CCT6B: variants seen among roughly 807,000 people sequenced by gnomAD.
CCT6B encodes the protein chaperonin containing TCP1 subunit 6B, also known as probable T-complex protein 1 subunit zeta-2.
CCT6B carries 49 observed loss-of-function variants against 61.5 expected under a neutral mutation model. The observed-to-expected ratio is 0.80, with a 90% CI of 0.63 to 1.01. The LOEUF (loss-of-function observed/expected upper bound fraction) is 1.01. Ranked by LOEUF, CCT6B falls within the 50% of genes least tolerant of loss-of-function variation. The pLI is 0.00. For missense variants in CCT6B, 666 were observed against 634.7 expected, an observed-to-expected ratio of 1.05 and a Z score of -0.53; for synonymous variants, 228 against 214.5, an observed-to-expected ratio of 1.06 and a Z score of -0.55.
At chr17:34,942,012 G>A (rs1039272387) in intron 7 of CCT6B, among the ~76,000 whole-genome samples, 1 of 151,466 alleles carries the variant, frequency 6.6e-6, no homozygotes, top group Non-Finnish European at 1.5e-5. Context: ...AAGCACTCCA[G>A]CTTGGATGAC....
chr17:34,939,300 A>G lies in CCT6B; in HGVS notation c.1096T>C (p.Cys366Arg). 6.2e-7 allele frequency: 1 copy of G among 1,612,960 alleles called. No individual in the cohort carries two copies. The highest frequency in any genetic ancestry group is 8.5e-7 in the Non-Finnish European group (1 of 1,179,452). The change falls in exon 10 of 14, where the codon TGT (cysteine) becomes CGT (arginine). Residue 366 changes from cysteine (C) to arginine (R), a missense_variant. Cys to Arg is a radical substitution (Grantham distance 180). Transcript: ENST00000314144. ...GEEKFTFIEE[C>R]VNPCSVTLLV... ...AAGGTAACAGAGCAAGGGTTAACAC[A>G]CTCCTCAATAAAAGTGAACTTTTCT...
chr17:34,947,975 CAAA>C (rs570493756), intron 5 of CCT6B, among the ~76,000 whole-genome samples: 3 of 63,018 alleles, frequency 4.8e-5, no homozygotes, highest in Non-Finnish European at 3.4e-5. Context: ...CACTCCGTCT[CAAA>C]AAAAAAAAAA....
Position 34,954,425 on chromosome 17 carries a change from CCT to C in CCT6B, c.509_510del (p.Glu170GlyfsTer10). The C allele has an allele frequency of 1.9e-6, 3 of 1,595,896 alleles. No individual in the cohort carries two copies. Among genetic ancestry groups the C allele is most frequent in the Non-Finnish European group, 2.6e-6 (3 of 1,173,338 alleles). ...VHAELADVLT[E>X]VVVDSVLAVR... ...CTGAATGCAAAAGTTTAATAACATA[CCT>C]CTGTTAAGACATCAGCCAGTTCAGC... is the stretch of plus-strand genomic sequence containing the variant. On this transcript the variant is annotated frameshift_variant and splice_region_variant, in exon 4 of 14. Coordinates refer to ENST00000314144, the MANE Select transcript of CCT6B (RefSeq NM_006584.4). LOFTEE classifies it high-confidence loss of function.
Position 34,958,574 on chromosome 17 carries a change from G to A in CCT6B, c.322C>T (p.Leu108=), listed in dbSNP as rs2090374437. The change falls in exon 3 of 14, where the codon CTG becomes TTG. Residue 108 remains leucine (L), a synonymous_variant. Transcript: ENST00000314144. ...IIGELLKQAD[L]YISEGLHPRI... ...AATTCTAATACCTCAGAAATGTACA[G>A]GTCAGCTTGTTTTAATAACTCTCCA... 1.3e-6 allele frequency: 2 copies of A among 1,569,154 alleles called. No homozygotes were observed. The highest frequency in any genetic ancestry group is 1.8e-5 in the Admixed American group (1 of 55,496).
intron 5 of CCT6B, among the ~76,000 whole-genome samples, chr17:34,950,284 A>C (rs2090275716): frequency 6.6e-6 from 1 of 152,222 alleles, no homozygotes; most frequent in African/African-American, 2.4e-5. Context: ...TAATAACCTA[A>C]GTAGCTATCA....
chr17:34,937,361 T>C (rs2142144307), intron 10 of CCT6B, among the ~76,000 whole-genome samples: 1 of 152,184 alleles, frequency 6.6e-6, no homozygotes, highest in Admixed American at 6.5e-5. Flanking sequence ...GATATTAACA[T>C]TAAAATAGAC....
intron 3 of CCT6B, among the ~76,000 whole-genome samples, chr17:34,956,607 C>T (rs1597763363): frequency 6.6e-6 from 1 of 152,150 alleles, no homozygotes; most frequent in East Asian, 1.9e-4. Context: ...TGATCTTATC[C>T]CCAGCTCAAG....
At chr17:34,949,822 C>T (rs2090271513) in intron 5 of CCT6B, 1 of 152,106 alleles carries the variant, frequency 6.6e-6, no homozygotes, top group South Asian at 2.1e-4. Flanking sequence ...ATACATTTCA[C>T]TCAGTAATTG....
intron 12 of CCT6B, among the ~76,000 whole-genome samples, chr17:34,929,766 G>A (rs1047631186): frequency 2.0e-5 from 3 of 151,926 alleles, no homozygotes; most frequent in Non-Finnish European, 2.9e-5. Context: ...CACCTACCTT[G>A]GCCTCCCAGA....
intron 2 of CCT6B, among the ~76,000 whole-genome samples, chr17:34,959,034 C>T (rs1332168482): frequency 6.7e-6 from 1 of 149,790 alleles, no homozygotes; most frequent in Non-Finnish European, 1.5e-5. Context: ...AGGCAGTGCC[C>T]TTAAAAGATA....
Position 34,928,985 on chromosome 17 carries a change from TA to T in CCT6B, c.1499del (p.Val500GlufsTer11), listed in dbSNP as rs1269701248. ...ACCAAGAGTGAAGAAGTTGTTTTTTTACACAATAATTATCCCAAACTCCTGC... is the reference window on the plus strand; with the variant it reads ...ACCAAGAGTGAAGAAGTTGTTTTTTTCACAATAATTATCCCAAACTCCTGC... ...ADAGVWDNYC[V>X]KKQLLHSCTV... is the part of the protein sequence containing the mutation. On this transcript the variant is annotated frameshift_variant, in exon 13 of 14. Coordinates refer to ENST00000314144, the MANE Select transcript of CCT6B (RefSeq NM_006584.4). LOFTEE classifies it high-confidence loss of function. 3 of 1,607,064 alleles carry T rather than the reference TA, an allele frequency of 1.9e-6. No homozygotes were observed. Among genetic ancestry groups the T allele is most frequent in the Middle Eastern group, 1.7e-4 (1 of 6,056 alleles).
In CCT6B at chr17:34,929,023, C is replaced by T. The variant is rs758677859; in HGVS notation, c.1462G>A (p.Val488Ile). 5 of 1,606,442 alleles carry T rather than the reference C, an allele frequency of 3.1e-6. No homozygotes were observed. The highest frequency in any genetic ancestry group is 3.3e-4 in the Middle Eastern group (2 of 6,034). ...GVDLNTGEPM[V>I]AADAGVWDNY... is the part of the protein sequence containing the mutation. ...TCCCAAACTCCTGCATCTGCTGCTACCATTGGCTCACCTGAAAAGTAAAAA... is the reference window on the plus strand; with the variant it reads ...TCCCAAACTCCTGCATCTGCTGCTATCATTGGCTCACCTGAAAAGTAAAAA... Residue 488 changes from valine (V) to isoleucine (I), a missense_variant, in exon 13 of 14, where the codon GTA (valine) becomes ATA (isoleucine). By Grantham distance (29) the Val-to-Ile change is conservative. Coordinates refer to ENST00000314144, the MANE Select transcript of CCT6B (RefSeq NM_006584.4).
At chr17:34,954,401 T>C in intron 4 of CCT6B, 25 bp downstream of exon 4, 1 of 1,566,078 alleles carries the variant, frequency 6.4e-7, no homozygotes, top group East Asian at 2.3e-5. Flanking sequence ...ATATTTGTTC[T>C]GAATGCAAAA....
rs745706388 is a variant in CCT6B, at chr17:34,928,920, A to G, written c.1523+42T>C. On this transcript the variant is annotated intron_variant, in intron 13 of 13. Coordinates refer to ENST00000314144, the MANE Select transcript of CCT6B (RefSeq NM_006584.4). The stretch of plus-strand genomic sequence containing the variant: ...AAATTTCATCTTAATATTATCAATT[A>G]TAACTCTACAGGTCTTTCACTTTAT... The G allele has an allele frequency of 4.5e-6, 5 of 1,108,304 alleles. No individual in the cohort carries two copies. The Admixed American group carries it at 9.9e-5, about 22-fold the overall frequency. The allele number at this position is 1,108,304 out of a possible 1,614,324, so 68.7% of individuals were successfully genotyped here. A position where few individuals can be genotyped will look rare whatever the true frequency, so the allele number is the denominator to read the frequency against.
At chr17:34,937,830 A>G (rs982746555) in intron 10 of CCT6B, among the ~76,000 whole-genome samples, 3 of 152,110 alleles carry the variant, frequency 2.0e-5, no homozygotes, top group African/African-American at 7.2e-5. Context: ...AATTATATAC[A>G]AAGAACTCTC....
chr17:34,932,311 T>C, intron 11 of CCT6B, 56 bp downstream of exon 11: 16 of 1,508,720 alleles, frequency 1.1e-5, no homozygotes, highest in Non-Finnish European at 1.3e-5. Context: ...GGGCAATTTG[T>C]AATTAAACAC....
At chr17:34,951,051 T>C (rs1285088557) in intron 5 of CCT6B, among the ~76,000 whole-genome samples, 2 of 151,070 alleles carry the variant, frequency 1.3e-5, no homozygotes, top group African/African-American at 4.9e-5. Context: ...TGAAAAACAA[T>C]GAGAGGAAGA....
intron 5 of CCT6B, among the ~76,000 whole-genome samples, chr17:34,945,778 A>C (rs1008367915): frequency 6.6e-6 from 1 of 152,202 alleles, no homozygotes; most frequent in Non-Finnish European, 1.5e-5. Context: ...ACAACTAAAC[A>C]TGCTGGCTTA....
chr17:34,958,579 G>A lies in CCT6B; in HGVS notation c.317C>T (p.Ala106Val). The A allele has an allele frequency of 6.4e-7, 1 of 1,572,632 alleles. No homozygotes were observed. Among genetic ancestry groups the A allele is most frequent in the Non-Finnish European group, 8.6e-7 (1 of 1,157,930 alleles). Reference sequence around the variant, plus strand: ...TAATACCTCAGAAATGTACAGGTCAGCTTGTTTTAATAACTCTCCAATAAT... The same window carrying A: ...TAATACCTCAGAAATGTACAGGTCAACTTGTTTTAATAACTCTCCAATAAT... ...VLIIGELLKQ[A>V]DLYISEGLHP... is the part of the protein sequence containing the mutation. Residue 106 changes from alanine to valine, a missense_variant, in exon 3 of 14, where the codon GCT becomes GTT. Physicochemically the swap from Ala to Val is moderately conservative, Grantham distance 64 (BLOSUM62 0). Transcript: ENST00000314144.
Sources: gnomAD v4.1 joint callset for allele counts (sites outside exome capture counted in the v4.1 genomes callset) on GRCh38, gnomAD v4.1.1 for gene constraint, MANE v1.5 for transcripts, NCBI Gene and HGNC (gene_info 2026-07-23, HGNC 2026-07-21) for gene names.